Variants in TUBGCP4 observed in about 807,000 individuals in gnomAD.
TUBGCP4 encodes tubulin gamma complex component 4, also known as gamma-tubulin complex component 4.
TUBGCP4 carries 54 observed loss-of-function variants against 91.6 expected under a neutral mutation model. The observed-to-expected ratio is 0.59, with a 90% CI of 0.47 to 0.74. The LOEUF (loss-of-function observed/expected upper bound fraction) is 0.74. TUBGCP4 is among the 30% of genes least tolerant of loss of function. The pLI, the probability that TUBGCP4 is intolerant of heterozygous loss-of-function variation, is 0.00. For missense variants in TUBGCP4, 593 were observed against 800.9 expected, an observed-to-expected ratio of 0.74 and a Z score of 3.13; for synonymous variants, 297 against 302.8, an observed-to-expected ratio of 0.98 and a Z score of 0.20.
chr15:43,381,737 A>G (rs1187480109), intron 6 of TUBGCP4, among the ~76,000 whole-genome samples: 2 of 152,130 alleles, frequency 1.3e-5, no homozygotes, highest in Non-Finnish European at 1.5e-5. Context: ...GTCTCAAAAC[A>G]AAAAACAAAA....
Position 43,405,295 on chromosome 15 carries a change from C to T in TUBGCP4, c.*81C>T. On this transcript the variant is annotated 3_prime_UTR_variant, in exon 18 of 18. Coordinates refer to ENST00000564079, the MANE Select transcript of TUBGCP4 (RefSeq NM_014444.5). ...GATTCAAAACATCCCATTCTAGCCACACACAAATAAATATCTGCGGCTTAG... is the reference window on the plus strand; with the variant it reads ...GATTCAAAACATCCCATTCTAGCCATACACAAATAAATATCTGCGGCTTAG... The T allele has an allele frequency of 6.6e-7, 1 of 1,506,408 alleles. No individual in the cohort carries two copies. Among genetic ancestry groups the T allele is most frequent in the East Asian group, 2.3e-5 (1 of 44,276 alleles). The allele number at this position is 1,506,408 out of a possible 1,614,324, so 93.3% of individuals were successfully genotyped here. A position where few individuals can be genotyped will look rare whatever the true frequency, so the allele number is the denominator to read the frequency against.
At chr15:43,403,580 G>A (rs933292745) in intron 15 of TUBGCP4, 103 bp from the exon 16 acceptor site, 10 of 862,114 alleles carry the variant, frequency 1.2e-5, no homozygotes, top group Non-Finnish European at 1.7e-5. Flanking sequence ...TGGGAGGTCA[G>A]CTATTAATTA....
At chr15:43,381,132 A>G (rs1199199554) in intron 6 of TUBGCP4, among the ~76,000 whole-genome samples, 1 of 152,174 alleles carries the variant, frequency 6.6e-6, no homozygotes, top group African/African-American at 2.4e-5. Flanking sequence ...TCTCCACTCT[A>G]ACCACTGCAT....
At chr15:43,403,310 T>C (rs914269020) in intron 15 of TUBGCP4, 66 of 175,608 alleles carry the variant, frequency 3.8e-4, no homozygotes, top group Non-Finnish European at 1.3e-4. Flanking sequence ...AAGGGAGTGC[T>C]TCACTGAGAG....
chr15:43,381,535 G>A (rs1347129859), intron 6 of TUBGCP4, among the ~76,000 whole-genome samples: 4 of 152,054 alleles, frequency 2.6e-5, no homozygotes, highest in Non-Finnish European at 5.9e-5. Context: ...CCAGGAGTTC[G>A]AGACCAGCCT....
Position 43,406,527 on chromosome 15 carries a change from C to G in TUBGCP4, c.*1313C>G, listed in dbSNP as rs775591396. ...GTCTATGGTTGCTTTCATGCCCTCA[C>G]AGCAAAGGCGAGTAGTTGTGATGGA... On this transcript the variant is annotated 3_prime_UTR_variant, in exon 18 of 18. Coordinates refer to ENST00000564079, the MANE Select transcript of TUBGCP4 (RefSeq NM_014444.5). 2.1e-4 allele frequency: 97 copies of G among 452,746 alleles called. No individual in the cohort carries two copies. The highest frequency in any genetic ancestry group is 3.7e-4 in the Non-Finnish European group (84 of 225,694). The allele number at this position is 452,746 out of a possible 1,614,324, so 28.0% of individuals were successfully genotyped here. A position where few individuals can be genotyped will look rare whatever the true frequency, so the allele number is the denominator to read the frequency against.
At chr15:43,403,583 A>C in intron 15 of TUBGCP4, 100 bp from the exon 16 acceptor site, 1 of 881,640 alleles carries the variant, frequency 1.1e-6, no homozygotes, top group East Asian at 2.5e-5. Flanking sequence ...GAGGTCAGCT[A>C]TTAATTAGAT....
intron 12 of TUBGCP4, among the ~76,000 whole-genome samples, chr15:43,397,825 C>T (rs1381541051): frequency 2.0e-5 from 3 of 152,150 alleles, no homozygotes; most frequent in African/African-American, 4.8e-5. Flanking sequence ...ATTCTCATGC[C>T]TCAGCCCCCC....
At chr15:43,391,807 T>G (rs2044472341) in intron 9 of TUBGCP4, 4 of 152,166 alleles carry the variant, frequency 2.6e-5, no homozygotes, top group African/African-American at 9.7e-5. Flanking sequence ...TTCCAGCACT[T>G]TGGGAGGCCA....
intron 12 of TUBGCP4, among the ~76,000 whole-genome samples, 153 bp downstream of exon 12, chr15:43,397,474 G>C (rs1427395057): frequency 2.6e-5 from 4 of 152,124 alleles, no homozygotes; most frequent in Non-Finnish European, 1.5e-5. Context: ...GAAAAGGAAA[G>C]TCCAGAAGTC....
chr15:43,392,054 CAAAAT>C (rs536312466), intron 9 of TUBGCP4, among the ~76,000 whole-genome samples: 15 of 147,710 alleles, frequency 1.0e-4, no homozygotes, highest in Admixed American at 1.4e-4. Flanking sequence ...GACTCCGTCT[CAAAAT>C]AAAATAAAAT....
Position 43,409,445 on chromosome 15 carries a change from T to G in TUBGCP4, c.*4231T>G. 1.9e-6 allele frequency: 1 copy of G among 535,212 alleles called. No individual in the cohort carries two copies. Among genetic ancestry groups the G allele is most frequent in the Non-Finnish European group, 3.3e-6 (1 of 303,230 alleles). 33.2% of individuals were successfully genotyped at this position (535,212 alleles called of 1,614,324 possible). On this transcript the variant is annotated 3_prime_UTR_variant, in exon 18 of 18. Transcript: ENST00000564079. ...GTCCCAGCAACAGAACCATAGCCAT[T>G]AACTAACCCAAGGTCCTACCTTCTC... is the stretch of plus-strand genomic sequence containing the variant.
chr15:43,400,950 C>T (rs1449726154), intron 14 of TUBGCP4, among the ~76,000 whole-genome samples: 1 of 151,992 alleles, frequency 6.6e-6, no homozygotes, highest in East Asian at 1.9e-4. Flanking sequence ...TCAAATGATC[C>T]TCCTGCCTTT....
At chr15:43,393,796 A>C (rs920911711) in intron 9 of TUBGCP4, among the ~76,000 whole-genome samples, 2 of 152,248 alleles carry the variant, frequency 1.3e-5, no homozygotes, top group Admixed American at 1.3e-4. Flanking sequence ...TTATGGCTGC[A>C]TAGTATTCCA....
chr15:43,371,183 C>T lies in TUBGCP4; in HGVS notation c.-172C>T, dbSNP rs2044112050. ...CCGGGACTCCCCCGCGACCCCTTCC[C>T]AGCTTCCCGTCCGCTCCGCCGCAGC... On this transcript the variant is annotated 5_prime_UTR_variant, in exon 1 of 18. Coordinates refer to ENST00000564079, the MANE Select transcript of TUBGCP4 (RefSeq NM_014444.5). 1.0e-5 allele frequency: 7 copies of T among 677,512 alleles called. No individual in the cohort carries two copies. The highest frequency in any genetic ancestry group is 5.2e-5 in the Admixed American group (2 of 38,550). The allele number at this position is 677,512 out of a possible 1,614,324, so 42.0% of individuals were successfully genotyped here. A position where few individuals can be genotyped will look rare whatever the true frequency, so the allele number is the denominator to read the frequency against.
At chr15:43,374,888 C>T (rs1358876654) in intron 1 of TUBGCP4, among the ~76,000 whole-genome samples, 1 of 152,192 alleles carries the variant, frequency 6.6e-6, no homozygotes, top group African/African-American at 2.4e-5. Context: ...ATAAGCCAGT[C>T]ACAAAAGGAC....
At position 43,405,343 on chromosome 15, in the gene TUBGCP4, C is replaced by A; in HGVS notation, c.*129C>A. On this transcript the variant is annotated 3_prime_UTR_variant, in exon 18 of 18. Transcript: ENST00000564079. ...TAGTGATAGGACTCTACCTTTTCTC[C>A]TAGAAGCAGTTACTGAACATCCAGG... 1 of 1,056,196 alleles carries A rather than the reference C, an allele frequency of 9.5e-7. No homozygotes were observed. The highest frequency in any genetic ancestry group is 1.4e-6 in the Non-Finnish European group (1 of 703,012). The allele number at this position is 1,056,196 out of a possible 1,614,324, so 65.4% of individuals were successfully genotyped here.
intron 7 of TUBGCP4, among the ~76,000 whole-genome samples, chr15:43,384,207 T>G (rs933580474): frequency 4.6e-5 from 7 of 152,180 alleles, no homozygotes; most frequent in Non-Finnish European, 8.8e-5. Flanking sequence ...TGTGGCAATA[T>G]TTCATTGAAT....
chr15:43,406,212 TAATC>T lies in TUBGCP4; in HGVS notation c.*1002_*1005del, dbSNP rs1490145244. Reference sequence around the variant, plus strand: ...CTTAATATGGCCCAGCCATCACTGGTAATCAATATTCATATCAGTGTAAGTAAAA... The same window carrying T: ...CTTAATATGGCCCAGCCATCACTGGTAATATTCATATCAGTGTAAGTAAAA... On this transcript the variant is annotated 3_prime_UTR_variant, in exon 18 of 18. Coordinates refer to ENST00000564079, the MANE Select transcript of TUBGCP4 (RefSeq NM_014444.5). 1 of 161,930 alleles carries T rather than the reference TAATC, an allele frequency of 6.2e-6. No homozygotes were observed. The highest frequency in any genetic ancestry group is 6.2e-5 in the Admixed American group (1 of 16,082). 10.0% of individuals were successfully genotyped at this position (161,930 alleles called of 1,614,324 possible).
Sources: gnomAD v4.1 joint callset for allele counts (sites outside exome capture counted in the v4.1 genomes callset) on GRCh38, gnomAD v4.1.1 for gene constraint, MANE v1.5 for transcripts, NCBI Gene and HGNC (gene_info 2026-07-23, HGNC 2026-07-21) for gene names.